The following CTSB variants were observed in gnomAD, a reference collection of about 807,000 sequenced individuals.
The protein encoded by CTSB is APP secretase.
CTSB carries 57 observed loss-of-function variants against 44.3 expected under a neutral mutation model. The observed-to-expected ratio is 1.29, with a 90% CI of 1.04 to 1.60. The LOEUF is 1.60. Ranked by LOEUF, CTSB falls within the 40% of genes most tolerant of loss-of-function variation. The pLI is 0.00. For missense variants in CTSB, 768 were observed against 443.0 expected (o/e 1.73, Z -6.59); for synonymous variants, 320 against 168.0 (o/e 1.91, Z -7.00).
At chr8:11,845,363 G>T in intron 9 of CTSB, 141 bp from the exon 10 acceptor site, 2 of 694,358 alleles carry the variant, frequency 2.9e-6, no homozygotes, top group South Asian at 1.8e-5. Flanking sequence ...ACACCACAAG[G>T]CTTCTGGAGC....
chr8:11,853,660 A>T (rs1031994434), intron 1 of CTSB, 181 bp from the exon 2 acceptor site: 12 of 570,704 alleles, frequency 2.1e-5, no homozygotes, highest in Non-Finnish European at 3.5e-5. Context: ...GCACGCCATG[A>T]CCTCGTGTGG....
At chr8:11,849,415 G>C (rs914281849) in intron 4 of CTSB, 6 of 324,132 alleles carry the variant, frequency 1.9e-5, no homozygotes, top group Non-Finnish European at 3.7e-5. Context: ...CAAAGTGCTG[G>C]GATTAGAGGC....
intron 1 of CTSB, among the ~76,000 whole-genome samples, chr8:11,864,692 C>T (rs1055855600): frequency 1.3e-5 from 2 of 152,098 alleles, no homozygotes; most frequent in East Asian, 3.8e-4. Context: ...CACAGTGACT[C>T]ACACCTGTAA....
At position 11,847,032 on chromosome 8, in the gene CTSB, C is replaced by T. The variant is rs771194593; in HGVS notation, c.793+20G>A. 4 of 1,331,506 alleles carry T rather than the reference C, an allele frequency of 3.0e-6. No individual in the cohort carries two copies. The highest frequency in any genetic ancestry group is 4.3e-6 in the Non-Finnish European group (4 of 922,680). 82.5% of individuals were successfully genotyped at this position (1,331,506 alleles called of 1,614,324 possible). ...CCTCCCGACCCCCACCCTCTATTGC[C>T]ATCAGCCATCAGCACGCACCTGACT... On this transcript the variant is annotated intron_variant, in intron 8 of 9. Coordinates refer to ENST00000353047, the MANE Select transcript of CTSB (RefSeq NM_001908.5).
intron 2 of CTSB, among the ~76,000 whole-genome samples, chr8:11,853,079 C>G (rs529038166): frequency 6.6e-6 from 1 of 152,246 alleles, no homozygotes; most frequent in South Asian, 2.1e-4. Flanking sequence ...ACTTACTCCC[C>G]CACACACCTC....
intron 1 of CTSB, chr8:11,867,650 C>G (rs993369476): frequency 6.6e-6 from 1 of 152,248 alleles, no homozygotes; most frequent in Non-Finnish European, 1.5e-5. Context: ...AGTCTCCGGA[C>G]CCGGCCGAGC....
intron 4 of CTSB, chr8:11,850,026 G>C (rs1165880551): frequency 6.6e-6 from 1 of 152,366 alleles, no homozygotes; most frequent in Admixed American, 6.5e-5. Context: ...TGTTAATGGG[G>C]ACAGAGTTTC....
In CTSB at chr8:11,843,559, A is replaced by C. The variant is rs889594577; in HGVS notation, c.*1566T>G. 6.6e-6 allele frequency: 1 copy of C among 152,276 alleles called. No homozygotes were observed. The highest frequency in any genetic ancestry group is 1.5e-5 in the Non-Finnish European group (1 of 68,060). 9.4% of individuals were successfully genotyped at this position (152,276 alleles called of 1,614,324 possible). A position where few individuals can be genotyped will look rare whatever the true frequency, so the allele number is the denominator to read the frequency against. On this transcript the variant is annotated 3_prime_UTR_variant, in exon 10 of 10. Transcript: ENST00000353047. ...GAGTTCCTGACCAGCAATGCAAACCAGTGGCATACAAATTCAAAATACTGT... is the reference window on the plus strand; with the variant it reads ...GAGTTCCTGACCAGCAATGCAAACCCGTGGCATACAAATTCAAAATACTGT...
intron 8 of CTSB, 80 bp from the exon 9 acceptor site, chr8:11,845,869 A>C: frequency 6.8e-7 from 1 of 1,461,184 alleles, no homozygotes. Context: ...TCAGCTGGTC[A>C]TGCTCCGGGA....
intron 8 of CTSB, 33 bp downstream of exon 8, chr8:11,847,019 C>T (rs370643234): frequency 5.2e-6 from 6 of 1,156,242 alleles, no homozygotes; most frequent in African/African-American, 1.5e-5. Context: ...TCCCGACCCC[C>T]ACCCTCTATT....
chr8:11,852,811 C>T (rs1433497319), intron 2 of CTSB, 116 bp from the exon 3 acceptor site: 21 of 909,134 alleles, frequency 2.3e-5, no homozygotes, highest in Non-Finnish European at 1.7e-5. Context: ...AATTCAAGGG[C>T]CCAAGGGTTG....
chr8:11,853,128 C>T (rs942998762), intron 2 of CTSB, among the ~76,000 whole-genome samples: 1 of 152,084 alleles, frequency 6.6e-6, no homozygotes, highest in Non-Finnish European at 1.5e-5. Context: ...CATGCACACA[C>T]ACTCATGCAC....
intron 1 of CTSB, chr8:11,867,465 C>T (rs879466126): frequency 2.0e-5 from 3 of 152,314 alleles, no homozygotes; most frequent in East Asian, 1.9e-4. Context: ...TTCAACAGGA[C>T]CTGTCTTCTG....
chr8:11,848,718 A>C, intron 5 of CTSB: 1 of 310,586 alleles, frequency 3.2e-6, no homozygotes, highest in Non-Finnish European at 6.3e-6. Context: ...CACATAAGGA[A>C]ATGCCCCAAA....
chr8:11,860,375 C>A (rs1310325177), intron 1 of CTSB, among the ~76,000 whole-genome samples: 1 of 152,188 alleles, frequency 6.6e-6, no homozygotes, highest in Admixed American at 6.5e-5. Context: ...GTAATCCCAG[C>A]ACTTTGGGAG....
rs1217428533 is a variant in CTSB at position 11,853,463 on chromosome 8, C to A, written c.-9G>T. ...GCCCAGAGCTGCCACATGTTGGAAG[C>A]CGGATCCTAGATCCACCTGGAGAGG... On this transcript the variant is annotated 5_prime_UTR_variant, in exon 2 of 10. Coordinates refer to ENST00000353047, the MANE Select transcript of CTSB (RefSeq NM_001908.5). 1 of 1,610,424 alleles carries A rather than the reference C, an allele frequency of 6.2e-7. No homozygotes were observed. Among genetic ancestry groups the A allele is most frequent in the Non-Finnish European group, 8.5e-7 (1 of 1,179,160 alleles).
intron 7 of CTSB, 126 bp downstream of exon 7, chr8:11,847,553 C>T (rs1234681734): frequency 1.9e-6 from 2 of 1,061,428 alleles, no homozygotes; most frequent in African/African-American, 1.6e-5. Flanking sequence ...ATCACTCCCC[C>T]TCCTCTATCC....
intron 6 of CTSB, 101 bp from the exon 7 acceptor site, chr8:11,847,923 C>T: frequency 7.0e-7 from 1 of 1,431,752 alleles, no homozygotes; most frequent in Non-Finnish European, 9.5e-7. Context: ...CCAGGCAGGT[C>T]CTGCCAGAGG....
In CTSB at chr8:11,844,300, G is replaced by C. The variant is rs62495680; in HGVS notation, c.*825C>G. On this transcript the variant is annotated 3_prime_UTR_variant, in exon 10 of 10. Transcript: ENST00000353047. ...CTATAGGCAGTGACAAAGGATCTGA[G>C]ATCCCATCAGAGTAGACTTCAAGTT... The C allele has an allele frequency of 3.3e-5, 5 of 152,256 alleles. No individual in the cohort carries two copies. The highest frequency in any genetic ancestry group is 7.3e-5 in the Non-Finnish European group (5 of 68,054). The allele number at this position is 152,256 out of a possible 1,614,324, so 9.4% of individuals were successfully genotyped here.
Sources: allele counts gnomAD v4.1 joint callset (sites outside exome capture counted in the v4.1 genomes callset), GRCh38; gene constraint gnomAD v4.1.1; transcripts MANE v1.5; gene names NCBI Gene and HGNC (gene_info 2026-07-23, HGNC 2026-07-21).